Variants in SUPT20H observed in about 807,000 individuals in gnomAD.
SUPT20H encodes the protein transcription factor SPT20 homolog.
A neutral mutation model predicts 122.8 loss-of-function variants in SUPT20H; 82 were observed. That is an observed-to-expected ratio of 0.67 (90% CI 0.56 to 0.80). The LOEUF is 0.80. Among genes scored for constraint, SUPT20H ranks in the 30% least tolerant of loss-of-function variants. The pLI is 0.00. For synonymous variants in SUPT20H, 291 were observed against 313.0 expected (o/e 0.93, Z 0.74); for missense variants, 831 against 921.6 (o/e 0.90, Z 1.27).
intron 9 of SUPT20H, among the ~76,000 whole-genome samples, chr13:37,037,877 C>T (rs757508824): frequency 2.6e-5 from 4 of 152,044 alleles, no homozygotes; most frequent in Non-Finnish European, 5.9e-5. Context: ...AATAATATTG[C>T]TAAATAAGAA....
Position 37,031,598 on chromosome 13 carries a change from G to A in SUPT20H, c.890C>T (p.Pro297Leu), listed in dbSNP as rs200732187. Residue 297 changes from proline to leucine, a missense_variant, in exon 12 of 26, where the codon CCC (proline) becomes CTC (leucine). By Grantham distance (98) the Pro-to-Leu change is moderately conservative. Transcript: ENST00000350612. Reference protein sequence around the residue: ...GNCVDMWKRSPCNLAIPSEVD... With the variant: ...GNCVDMWKRSLCNLAIPSEVD... Reference sequence around the variant, plus strand: ...TTCAGAAGGTATGGCCAAATTACAGGGACTCCGTTTCCACATATCTACACA... The same window carrying A: ...TTCAGAAGGTATGGCCAAATTACAGAGACTCCGTTTCCACATATCTACACA... 38 of 1,552,516 alleles carry A rather than the reference G, an allele frequency of 2.4e-5. No individual in the cohort carries two copies. The highest frequency in any genetic ancestry group is 2.1e-4 in the East Asian group (9 of 42,974).
At chr13:37,058,246 C>T (rs1240725318) in intron 1 of SUPT20H, among the ~76,000 whole-genome samples, 1 of 152,180 alleles carries the variant, frequency 6.6e-6, no homozygotes, top group African/African-American at 2.4e-5. Flanking sequence ...GCCTGGACAA[C>T]AAGAGTGAAA....
At chr13:37,056,630 G>C (rs370592713) in intron 1 of SUPT20H, among the ~76,000 whole-genome samples, 1 of 152,108 alleles carries the variant, frequency 6.6e-6, no homozygotes, top group Non-Finnish European at 1.5e-5. Context: ...TGGGAGGAGG[G>C]GGGAGGGATA....
Position 37,024,130 on chromosome 13 carries a change from G to C in SUPT20H, c.1496C>G (p.Ser499Cys), listed in dbSNP as rs752386919. The change falls in exon 19 of 26, where the codon TCT becomes TGT. Residue 499 changes from serine (S) to cysteine (C), a missense_variant. Ser to Cys is a moderately radical substitution (Grantham distance 112, BLOSUM62 -1). Coordinates refer to ENST00000350612, the MANE Select transcript of SUPT20H (RefSeq NM_001014286.3). ...TTTCCGAGGAATACTTGATGGCTTA[G>C]AAGAAGGAGGAGGAGTTGGAGATTT... is the stretch of plus-strand genomic sequence containing the variant. The part of the protein sequence containing the change: ...FLKSPTPPPS[S>C]KPSSIPRKSS... 1 of 1,613,716 alleles carries C rather than the reference G, an allele frequency of 6.2e-7. No homozygotes were observed. The highest frequency in any genetic ancestry group is 8.5e-7 in the Non-Finnish European group (1 of 1,179,730).
chr13:37,042,199 G>GT (rs1289494850), intron 7 of SUPT20H, among the ~76,000 whole-genome samples: 1 of 152,190 alleles, frequency 6.6e-6, no homozygotes, highest in Non-Finnish European at 1.5e-5. Context: ...AATGTGGAAG[G>GT]TAAGGACAGA....
intron 9 of SUPT20H, among the ~76,000 whole-genome samples, chr13:37,035,399 C>A (rs1257838737): frequency 6.6e-6 from 1 of 152,064 alleles, no homozygotes; most frequent in Non-Finnish European, 1.5e-5. Flanking sequence ...GAAATCACTG[C>A]AGATGTGGTG....
chr13:37,024,118 C>T lies in SUPT20H; in HGVS notation c.1508G>A (p.Ser503Asn), dbSNP rs2061804464. ...ATCCACAGATGATTTCCGAGGAATA[C>T]TTGATGGCTTAGAAGAAGGAGGAGG... ...PTPPPSSKPS[S>N]IPRKSSVDLN... Residue 503 changes from serine (S) to asparagine (N), a missense_variant, in exon 19 of 26, where the codon AGT becomes AAT. Ser to Asn is a conservative substitution (Grantham distance 46). Coordinates refer to ENST00000350612, the MANE Select transcript of SUPT20H (RefSeq NM_001014286.3). The T allele has an allele frequency of 6.2e-7, 1 of 1,613,668 alleles. No individual in the cohort carries two copies. Among genetic ancestry groups the T allele is most frequent in the Non-Finnish European group, 8.5e-7 (1 of 1,179,790 alleles).
intron 2 of SUPT20H, among the ~76,000 whole-genome samples, chr13:37,050,387 T>A (rs940696266): frequency 6.7e-6 from 1 of 150,272 alleles, no homozygotes; most frequent in East Asian, 2.0e-4. Context: ...AGAAGCGGAT[T>A]CCCAATGAAA....
At chr13:37,012,162 T>C in intron 24 of SUPT20H, 30 bp downstream of exon 24, 1 of 1,519,420 alleles carries the variant, frequency 6.6e-7, no homozygotes, top group South Asian at 1.1e-5. Flanking sequence ...GTTTAGTAAA[T>C]TCAGCATATA....
chr13:37,048,530 C>T (rs1205621400), intron 3 of SUPT20H, 34 bp downstream of exon 3: 36 of 1,552,134 alleles, frequency 2.3e-5, no homozygotes, highest in East Asian at 1.4e-4. Flanking sequence ...TTAAAGACAA[C>T]ACTATTTCAA....
At chr13:37,043,695 G>A (rs1399550462) in intron 7 of SUPT20H, among the ~76,000 whole-genome samples, 1 of 151,862 alleles carries the variant, frequency 6.6e-6, no homozygotes, top group Non-Finnish European at 1.5e-5. Context: ...CACCCACGCT[G>A]GAGTGCAGTG....
chr13:37,022,353 T>C lies in SUPT20H; in HGVS notation c.1592-273A>G, dbSNP rs1312374224. On this transcript the variant is annotated intron_variant, in intron 19 of 25. Transcript: ENST00000350612. The surrounding 1 kb of genome is among the most constrained non-coding windows in gnomAD (Gnocchi z 4.5). ...AGAAAAATAAAAATTGCTAGTTTGT[T>C]ATAAATGGCCAGTCCTTTTAAAATA... is the stretch of plus-strand genomic sequence containing the variant. The C allele has an allele frequency of 5.2e-6, 7 of 1,357,036 alleles. No individual in the cohort carries two copies. The African/African-American group carries it at 7.4e-5, about 14-fold the overall frequency. The allele number at this position is 1,357,036 out of a possible 1,614,324, so 84.1% of individuals were successfully genotyped here.
At chr13:37,016,784 T>C (rs2060587867) in intron 23 of SUPT20H, among the ~76,000 whole-genome samples, 1 of 152,234 alleles carries the variant, frequency 6.6e-6, no homozygotes, top group South Asian at 2.1e-4. Context: ...TCTACTGTCA[T>C]TTATTGCAAT....
chr13:37,048,776 G>T (rs1406940079), intron 2 of SUPT20H, among the ~76,000 whole-genome samples, 177 bp from the exon 3 acceptor site: 1 of 151,954 alleles, frequency 6.6e-6, no homozygotes, highest in South Asian at 2.1e-4. Context: ...TGAGTCTTGG[G>T]CACCTGATTA....
intron 23 of SUPT20H, among the ~76,000 whole-genome samples, chr13:37,016,571 C>T (rs2060548064): frequency 6.6e-6 from 1 of 152,066 alleles, no homozygotes; most frequent in Non-Finnish European, 1.5e-5. Flanking sequence ...TTAATGTGCC[C>T]TTCCTGAGGA....
chr13:37,026,723 G>A, intron 15 of SUPT20H, 67 bp downstream of exon 15: 1 of 926,474 alleles, frequency 1.1e-6, no homozygotes, highest in South Asian at 1.8e-5. Flanking sequence ...TATTTAGCAA[G>A]TCTTTTTAAA....
In SUPT20H at chr13:37,010,586, G is replaced by A. The variant is rs1266067332; in HGVS notation, c.2168C>T (p.Ser723Phe). ...QSLPQQRFQL[S>F]SAFQQQQQQI... ...TTGCTGCTGCTGTTGAAAGGCAGAG[G>A]AGAGCTGGAATCTCTGCTGAGGAAG... Residue 723 changes from serine to phenylalanine, a missense_variant, in exon 25 of 26, where the codon TCC becomes TTC. Physicochemically the swap from Ser to Phe is radical, Grantham distance 155. Coordinates refer to ENST00000350612, the MANE Select transcript of SUPT20H (RefSeq NM_001014286.3). The A allele has an allele frequency of 1.9e-6, 3 of 1,613,924 alleles. No individual in the cohort carries two copies. Among genetic ancestry groups the A allele is most frequent in the Admixed American group, 3.3e-5 (2 of 59,984 alleles).
intron 9 of SUPT20H, among the ~76,000 whole-genome samples, chr13:37,035,101 A>G (rs1308877106): frequency 6.6e-6 from 1 of 152,236 alleles, no homozygotes; most frequent in African/African-American, 2.4e-5. Context: ...AGCTGCCAAC[A>G]CAATATCCAC....
intron 13 of SUPT20H, among the ~76,000 whole-genome samples, chr13:37,028,800 G>T (rs2062776526): frequency 1.3e-5 from 2 of 151,612 alleles, no homozygotes; most frequent in South Asian, 4.2e-4. Flanking sequence ...TTGCACCCCT[G>T]ATCCTCATGC....
Sources: gnomAD v4.1 joint callset for allele counts (sites outside exome capture counted in the v4.1 genomes callset) on GRCh38, gnomAD v4.1.1 for gene constraint, Gnocchi (gnomAD v3.1) non-coding constraint, MANE v1.5 for transcripts, NCBI Gene and HGNC (gene_info 2026-07-23, HGNC 2026-07-21) for gene names.